Variants in BICC1 observed in about 807,000 individuals in gnomAD.
BICC1 encodes protein bicaudal C homolog 1.
Under a neutral mutation model 111.0 loss-of-function variants are expected in BICC1, and 43 were observed. That is an observed-to-expected ratio of 0.39 (90% confidence interval 0.30 to 0.50). The LOEUF is 0.50. BICC1 is among the 20% of genes least tolerant of loss of function. The pLI is 0.88. For synonymous variants in BICC1, 467 were observed against 434.4 expected (o/e 1.07, Z -0.93); for missense variants, 1,091 against 1,203.2 (o/e 0.91, Z 1.38).
chr10:58,626,276 G>A (rs984569965), intron 2 of BICC1, among the ~76,000 whole-genome samples: 3 of 152,240 alleles, frequency 2.0e-5, no homozygotes, highest in Non-Finnish European at 4.4e-5. Context: ...CTAACATTCT[G>A]TGAGTTCTTA....
intron 3 of BICC1, among the ~76,000 whole-genome samples, 190 bp downstream of exon 3, chr10:58,702,333 T>A (rs113242001): frequency 2.4e-4 from 37 of 152,350 alleles, no homozygotes; most frequent in African/African-American, 7.9e-4. Context: ...AGAAAAATAT[T>A]AACTATTAAC....
intron 3 of BICC1, among the ~76,000 whole-genome samples, chr10:58,732,046 G>C (rs564101638): frequency 1.6e-4 from 25 of 152,178 alleles, no homozygotes; most frequent in African/African-American, 6.0e-4. Context: ...TTGGCCAACT[G>C]TTTGGTTTAA....
At chr10:58,800,429 C>A in intron 13 of BICC1, 103 bp downstream of exon 13, 2 of 1,102,780 alleles carry the variant, frequency 1.8e-6, no homozygotes, top group Non-Finnish European at 2.5e-6. Context: ...TGCTAAACAG[C>A]TATCATTCAT....
intron 2 of BICC1, among the ~76,000 whole-genome samples, chr10:58,678,030 C>T (rs907531836): frequency 1.3e-5 from 2 of 152,224 alleles, no homozygotes; most frequent in Non-Finnish European, 2.9e-5. Context: ...CTTACAAGAG[C>T]TCCTGAAGGA....
chr10:58,726,505 G>T (rs1030411597), intron 3 of BICC1, among the ~76,000 whole-genome samples: 2 of 152,178 alleles, frequency 1.3e-5, no homozygotes. Context: ...TCTTCACAGT[G>T]CTTAGAGCTT....
rs141168888 is a variant in BICC1 at position 58,656,853 on chromosome 10, C to T, written c.237+35952C>T. 2.2e-4 allele frequency among the ~76,000 whole-genome samples: 34 copies of T among 152,260 alleles called. No homozygotes were observed. The South Asian group carries it at 2.3e-3, about 10-fold the overall frequency. On this transcript the variant is annotated intron_variant, in intron 2 of 20. Transcript: ENST00000373886. ...CTCCATACTCTACCAGCGGAACTTC[C>T]GACCTTCAGTAAATCACAGATGGTT...
intron 3 of BICC1, among the ~76,000 whole-genome samples, chr10:58,714,626 CA>C (rs1403184089): frequency 6.6e-6 from 1 of 152,014 alleles, no homozygotes; most frequent in Non-Finnish European, 1.5e-5. Flanking sequence ...AGGTTTCTGA[CA>C]GTTTTTGAAC....
chr10:58,829,727 G>A lies in BICC1; in HGVS notation c.*836G>A, dbSNP rs2133011219. On this transcript the variant is annotated 3_prime_UTR_variant, in exon 21 of 21. Coordinates refer to ENST00000373886, the MANE Select transcript of BICC1 (RefSeq NM_001080512.3). ...GTCATACTTAGCTGCTGCCTGTAAT[G>A]CTAAAATGATTTTAATGGTTGTCTG... The A allele has an allele frequency of 6.6e-6, 1 of 152,238 alleles. No homozygotes were observed. Among genetic ancestry groups the A allele is most frequent in the South Asian group, 2.1e-4 (1 of 4,824 alleles). 9.4% of individuals were successfully genotyped at this position (152,238 alleles called of 1,614,324 possible).
chr10:58,519,143 C>T (rs1259250444), intron 1 of BICC1, among the ~76,000 whole-genome samples: 2 of 152,200 alleles, frequency 1.3e-5, no homozygotes, highest in Non-Finnish European at 2.9e-5. Context: ...TCCCTCTTCC[C>T]TGCCTCCACC....
intron 1 of BICC1, among the ~76,000 whole-genome samples, chr10:58,552,050 A>C (rs537888225): frequency 6.6e-6 from 1 of 151,684 alleles, no homozygotes; most frequent in South Asian, 2.1e-4. Context: ...GTGTGCTAAC[A>C]CTTCTTTGTC....
At chr10:58,616,662 A>G (rs141288818) in intron 1 of BICC1, among the ~76,000 whole-genome samples, 1 of 152,306 alleles carries the variant, frequency 6.6e-6, no homozygotes, top group African/African-American at 2.4e-5. Flanking sequence ...GGGCATGGAT[A>G]TTTCACATGG....
At chr10:58,581,742 G>C (rs1351065951) in intron 1 of BICC1, among the ~76,000 whole-genome samples, 1 of 152,038 alleles carries the variant, frequency 6.6e-6, no homozygotes, top group Non-Finnish European at 1.5e-5. Flanking sequence ...AAAGTGCTAA[G>C]GGGACCCCCT....
chr10:58,826,453 T>C (rs1385408863), intron 20 of BICC1, among the ~76,000 whole-genome samples: 2 of 152,172 alleles, frequency 1.3e-5, no homozygotes, highest in African/African-American at 2.4e-5. Context: ...GGATTTTTAT[T>C]AGTAAGAAAG....
intron 3 of BICC1, among the ~76,000 whole-genome samples, chr10:58,740,720 C>G (rs991062534): frequency 2.0e-5 from 3 of 152,112 alleles, no homozygotes; most frequent in Non-Finnish European, 4.4e-5. Flanking sequence ...CATGGGAGTC[C>G]ACATGAGGAG....
chr10:58,779,143 A>C (rs1842821027), intron 3 of BICC1, among the ~76,000 whole-genome samples: 1 of 152,242 alleles, frequency 6.6e-6, no homozygotes, highest in South Asian at 2.1e-4. Context: ...AACATGTTTC[A>C]CCATAAAATA....
chr10:58,667,805 G>A (rs1252394119), intron 2 of BICC1, among the ~76,000 whole-genome samples: 1 of 152,024 alleles, frequency 6.6e-6, no homozygotes, highest in Admixed American at 6.6e-5. Context: ...CTACTCCTTG[G>A]AGAAGCCAGG....
In BICC1 at chr10:58,800,019, A is replaced by G. The variant is rs998953149; in HGVS notation, c.1726-175A>G. On this transcript the variant is annotated intron_variant, in intron 12 of 20. Transcript: ENST00000373886. Reference sequence around the variant, plus strand: ...TTTCCATTTGTTTGTATCACCTACAATTTCTTTCAGCAGTGTTTTGTAGTT... The same window carrying G: ...TTTCCATTTGTTTGTATCACCTACAGTTTCTTTCAGCAGTGTTTTGTAGTT... Among the ~76,000 whole-genome samples the G allele has an allele frequency of 7.9e-5, 12 of 152,068 alleles. 1 individual carries two copies. The highest frequency in any genetic ancestry group is 3.2e-3 in the Middle Eastern group (1 of 316).
chr10:58,531,064 A>G (rs577715356), intron 1 of BICC1, among the ~76,000 whole-genome samples: 25 of 151,984 alleles, frequency 1.6e-4, no homozygotes, highest in African/African-American at 5.8e-4. Context: ...AATGATGAGG[A>G]AAAAAAGTCC....
At chr10:58,638,588 TCCTCTTATTCCCAAGAGCTGTGTGTG>T (rs1320114407) in intron 2 of BICC1, among the ~76,000 whole-genome samples, 2 of 152,172 alleles carry the variant, frequency 1.3e-5, no homozygotes, top group African/African-American at 4.8e-5. Flanking sequence ...GACTTGAAAG[TCCTCTTATTCCCAAGAGCTGTGTGTG>T]CCTCATCAGC....
Sources: gnomAD v4.1 joint callset for allele counts (sites outside exome capture counted in the v4.1 genomes callset) on GRCh38, gnomAD v4.1.1 for gene constraint, MANE v1.5 for transcripts, NCBI Gene and HGNC (gene_info 2026-07-23, HGNC 2026-07-21) for gene names.